Variants in ZNF804A observed in about 807,000 individuals in gnomAD.
The protein encoded by ZNF804A is zinc finger protein 804A.
In ZNF804A, 2 loss-of-function variants were observed where a neutral mutation model predicts 16.5. The ratio of observed to expected loss-of-function variants is 0.12; its 90% CI spans 0.05 to 0.38. The LOEUF (loss-of-function observed/expected upper bound fraction) is 0.38. Ranked by LOEUF, ZNF804A falls within the 10% of genes least tolerant of loss-of-function variation. The probability of loss-of-function intolerance (pLI) is 0.99; values close to 1 mark genes in which losing one functional copy is unlikely to be tolerated. For synonymous variants in ZNF804A, 534 were observed against 489.6 expected (o/e 1.09, Z -1.20); for missense variants, 1,473 against 1,390.7 (o/e 1.06, Z -0.94).
intron 2 of ZNF804A, among the ~76,000 whole-genome samples, chr2:184,913,907 G>T (rs1264302523): frequency 1.3e-5 from 2 of 152,086 alleles, no homozygotes. Context: ...TTATCACCAA[G>T]GCTTGTTTCT....
chr2:184,936,061 C>T lies in ZNF804A; in HGVS notation c.665C>T (p.Ala222Val), dbSNP rs757479195. ...IGFSFAFPKK[A>V]SVKLESSAAA... ...TTTTCTTTTGCATTTCCAAAGAAAG[C>T]GTCCGTGAAGCTAGAGTCCTCAGCT... The change falls in exon 4 of 4, where the codon GCG (alanine) becomes GTG (valine). Residue 222 changes from alanine to valine, a missense_variant. Coordinates refer to ENST00000302277, the MANE Select transcript of ZNF804A (RefSeq NM_194250.2). The T allele has an allele frequency of 2.0e-5, 33 of 1,613,860 alleles. No homozygotes were observed. In the East Asian group the frequency reaches 4.9e-4, roughly 24 times the overall value.
At chr2:184,611,020 T>C (rs1286439802) in intron 1 of ZNF804A, among the ~76,000 whole-genome samples, 1 of 152,206 alleles carries the variant, frequency 6.6e-6, no homozygotes, top group Non-Finnish European at 1.5e-5. Flanking sequence ...GTGGCTTACA[T>C]ACAACAGAAA....
intron 1 of ZNF804A, among the ~76,000 whole-genome samples, chr2:184,863,760 T>C (rs981094016): frequency 7.2e-5 from 11 of 152,210 alleles, no homozygotes; most frequent in Non-Finnish European, 2.9e-5. Context: ...TATCTCTGCC[T>C]CAAACGCTTT....
chr2:184,763,497 A>G (rs2105764505), intron 1 of ZNF804A, among the ~76,000 whole-genome samples: 1 of 151,910 alleles, frequency 6.6e-6, no homozygotes, highest in Middle Eastern at 3.4e-3. Flanking sequence ...TTTCCAAACC[A>G]TCTCAAGTTA....
chr2:184,603,626 G>C (rs981776835), intron 1 of ZNF804A, among the ~76,000 whole-genome samples: 7 of 152,116 alleles, frequency 4.6e-5, no homozygotes, highest in Non-Finnish European at 8.8e-5. Flanking sequence ...GAGATCAATT[G>C]GTGAATTGGT....
chr2:184,772,749 G>A (rs1166621848), intron 1 of ZNF804A, among the ~76,000 whole-genome samples: 1 of 151,508 alleles, frequency 6.6e-6, no homozygotes, highest in South Asian at 2.1e-4. Context: ...GTGTATGAGA[G>A]TTCCAACTTT....
At chr2:184,911,743 A>T (rs1685363269) in intron 2 of ZNF804A, among the ~76,000 whole-genome samples, 1 of 151,362 alleles carries the variant, frequency 6.6e-6, no homozygotes, top group Non-Finnish European at 1.5e-5. Context: ...ATGGAATTAT[A>T]TTCTTGTTTT....
Position 184,937,597 on chromosome 2 carries a change from A to T in ZNF804A, c.2201A>T (p.Gln734Leu), listed in dbSNP as rs764990475. 1 of 1,613,382 alleles carries T rather than the reference A, an allele frequency of 6.2e-7. No individual in the cohort carries two copies. Among genetic ancestry groups the T allele is most frequent in the Non-Finnish European group, 8.5e-7 (1 of 1,179,788 alleles). ...AAAACCAAAATGTCAAGCTGTAGTC[A>T]GGATCACAGAAGCTTAGTTCTTCAA... ...CWKTKMSSCS[Q>L]DHRSLVLQND... Residue 734 changes from glutamine to leucine, a missense_variant, in exon 4 of 4, where the codon CAG becomes CTG. Coordinates refer to ENST00000302277, the MANE Select transcript of ZNF804A (RefSeq NM_194250.2).
At chr2:184,812,880 T>G (rs976379880) in intron 1 of ZNF804A, among the ~76,000 whole-genome samples, 15 of 151,794 alleles carry the variant, frequency 9.9e-5, no homozygotes, top group African/African-American at 3.6e-4. Flanking sequence ...TTGGTGAGAG[T>G]AAAGAATACA....
intron 2 of ZNF804A, among the ~76,000 whole-genome samples, chr2:184,888,034 C>T (rs1419701860): frequency 6.6e-6 from 1 of 152,066 alleles, no homozygotes; most frequent in Non-Finnish European, 1.5e-5. Context: ...ATGCTTATTA[C>T]CTGGGTTACA....
intron 1 of ZNF804A, among the ~76,000 whole-genome samples, chr2:184,625,797 T>G (rs1232983340): frequency 2.6e-5 from 4 of 152,186 alleles, no homozygotes; most frequent in Non-Finnish European, 5.9e-5. Context: ...TGAACACAAT[T>G]TACTATACTT....
intron 1 of ZNF804A, among the ~76,000 whole-genome samples, chr2:184,737,545 C>G (rs1693646107): frequency 6.6e-6 from 1 of 152,174 alleles, no homozygotes; most frequent in South Asian, 2.1e-4. Context: ...ATGTAATTAT[C>G]ATTAATATCT....
At chr2:184,700,464 C>G (rs561495909) in intron 1 of ZNF804A, among the ~76,000 whole-genome samples, 1 of 152,102 alleles carries the variant, frequency 6.6e-6, no homozygotes, top group East Asian at 1.9e-4. Flanking sequence ...ATATGAAGTC[C>G]ATTTCAAAGT....
chr2:184,794,761 A>T (rs1288262048), intron 1 of ZNF804A, among the ~76,000 whole-genome samples: 1 of 152,132 alleles, frequency 6.6e-6, no homozygotes, highest in East Asian at 1.9e-4. Flanking sequence ...CCTTTGAGAC[A>T]CATCTAACAA....
At chr2:184,864,789 T>C (rs980100937) in intron 1 of ZNF804A, among the ~76,000 whole-genome samples, 19 of 152,004 alleles carry the variant, frequency 1.2e-4, no homozygotes, top group African/African-American at 3.6e-4. Flanking sequence ...GCCATTGCCA[T>C]ATAGAGGACT....
chr2:184,735,644 CT>C (rs1360281479), intron 1 of ZNF804A, among the ~76,000 whole-genome samples: 1 of 152,078 alleles, frequency 6.6e-6, no homozygotes, highest in Non-Finnish European at 1.5e-5. Context: ...ATTTCTGGTA[CT>C]CAATGTTGAA....
chr2:184,714,816 T>G (rs1460257814), intron 1 of ZNF804A, among the ~76,000 whole-genome samples: 1 of 152,172 alleles, frequency 6.6e-6, no homozygotes, highest in Non-Finnish European at 1.5e-5. Context: ...GAGAATATTT[T>G]AAGACAAAAT....
intron 1 of ZNF804A, among the ~76,000 whole-genome samples, chr2:184,635,396 A>G (rs1691679422): frequency 1.3e-5 from 2 of 152,278 alleles, no homozygotes; most frequent in African/African-American, 4.8e-5. Context: ...ATTAAGCACT[A>G]CAGTAAAGTA....
chr2:184,646,823 C>G (rs985392310), intron 1 of ZNF804A, among the ~76,000 whole-genome samples: 1 of 152,234 alleles, frequency 6.6e-6, no homozygotes, highest in Admixed American at 6.5e-5. Context: ...CTGTATTCTC[C>G]CTTTGGCACT....
Sources: gnomAD v4.1 joint callset for allele counts (sites outside exome capture counted in the v4.1 genomes callset) on GRCh38, gnomAD v4.1.1 for gene constraint, MANE v1.5 for transcripts, NCBI Gene and HGNC (gene_info 2026-07-23, HGNC 2026-07-21) for gene names.